Variants in LATS1 observed in about 807,000 individuals in gnomAD.
LATS1 encodes the protein serine/threonine-protein kinase LATS1.
A neutral mutation model predicts 106.6 loss-of-function variants in LATS1; 25 were observed. That is an observed-to-expected ratio of 0.23 (90% CI 0.17 to 0.33). The LOEUF (loss-of-function observed/expected upper bound fraction) is 0.33, where lower values mean the gene tolerates loss of function less well. Ranked by LOEUF, LATS1 falls within the 10% of genes least tolerant of loss-of-function variation. The pLI is 1.00. For missense variants in LATS1, 1,040 were observed against 1,382.6 expected, an observed-to-expected ratio of 0.75 and a Z score of 3.93; for synonymous variants, 465 against 455.6, an observed-to-expected ratio of 1.02 and a Z score of -0.26.
chr6:149,683,912 C>G lies in LATS1; in HGVS notation c.1177G>C (p.Gly393Arg), dbSNP rs754081916. 1 of 1,613,714 alleles carries G rather than the reference C, an allele frequency of 6.2e-7. No individual in the cohort carries two copies. The highest frequency in any genetic ancestry group is 8.5e-7 in the Non-Finnish European group (1 of 1,179,830). The stretch of plus-strand genomic sequence containing the variant: ...GTATATGACGAAGGAGCAGCAGATC[C>G]CCCTGTTTGTAAAGCAGAAGGGCTT... ...GQSPSALQTG[G>R]SAAPSSYTNG... Residue 393 changes from glycine (G) to arginine (R), a missense_variant, in exon 4 of 8, where the codon GGA (glycine) becomes CGA (arginine). By Grantham distance (125) the Gly-to-Arg change is moderately radical. Coordinates refer to ENST00000543571, the MANE Select transcript of LATS1 (RefSeq NM_004690.4).
intron 1 of LATS1, among the ~76,000 whole-genome samples, chr6:149,711,864 TTA>T (rs1224700541): frequency 2.0e-5 from 3 of 152,146 alleles, no homozygotes; most frequent in Non-Finnish European, 4.4e-5. Flanking sequence ...TTATCTCCCA[TTA>T]TTCTCTTTTT....
chr6:149,697,724 G>A (rs1017013822), intron 2 of LATS1, among the ~76,000 whole-genome samples: 1 of 151,960 alleles, frequency 6.6e-6, no homozygotes, highest in Non-Finnish European at 1.5e-5. Flanking sequence ...AATATTGTGG[G>A]AATCATTTTT....
At chr6:149,706,584 C>T (rs182135489) in intron 1 of LATS1, among the ~76,000 whole-genome samples, 3 of 152,234 alleles carry the variant, frequency 2.0e-5, no homozygotes, top group African/African-American at 7.2e-5. Context: ...AAAAGGGATG[C>T]TGCAGATGTG....
At chr6:149,699,696 G>A (rs1253019659) in intron 2 of LATS1, among the ~76,000 whole-genome samples, 1 of 152,014 alleles carries the variant, frequency 6.6e-6, no homozygotes, top group Middle Eastern at 3.2e-3. Context: ...ATAATGAATA[G>A]AGCATTGACC....
intron 2 of LATS1, among the ~76,000 whole-genome samples, chr6:149,698,319 T>G: frequency 6.7e-6 from 1 of 149,498 alleles, no homozygotes; most frequent in African/African-American, 2.5e-5. Flanking sequence ...CCACAACTCA[T>G]TGCGACCCAA....
chr6:149,662,169 T>C lies in LATS1; in HGVS notation c.2953A>G (p.Ile985Val). 2 of 1,613,840 alleles carry C rather than the reference T, an allele frequency of 1.2e-6. No homozygotes were observed. Among genetic ancestry groups the C allele is most frequent in the Non-Finnish European group, 1.7e-6 (2 of 1,179,960 alleles). Residue 985 changes from isoleucine (I) to valine (V), a missense_variant, in exon 8 of 8, where the codon ATT becomes GTT. Physicochemically the swap from Ile to Val is conservative, Grantham distance 29. Around this residue, in one of 7 missense-constraint regions of LATS1, gnomAD observed 113 missense variants for 146.3 expected, o/e 0.77. Coordinates refer to ENST00000543571, the MANE Select transcript of LATS1 (RefSeq NM_004690.4). Reference sequence around the variant, plus strand: ...TCGGGTCCTCGGCAAAGTTTAATAATAAGATCAGAAGCTTCAGGACTGAGT... The same window carrying C: ...TCGGGTCCTCGGCAAAGTTTAATAACAAGATCAGAAGCTTCAGGACTGAGT... ...AKLSPEASDL[I>V]IKLCRGPEDR...
intron 3 of LATS1, among the ~76,000 whole-genome samples, chr6:149,688,401 C>T (rs1196682072): frequency 2.0e-5 from 3 of 151,916 alleles, no homozygotes; most frequent in South Asian, 2.1e-4. Context: ...CTCTGCCTCC[C>T]GGGTTTAAAT....
intron 4 of LATS1, 196 bp downstream of exon 4, chr6:149,682,883 G>C (rs1782132256): frequency 5.3e-6 from 3 of 568,966 alleles, no homozygotes; most frequent in Admixed American, 3.7e-5. Flanking sequence ...AGGAAATTCT[G>C]AATAAATATT....
At chr6:149,693,611 AAAACAAACAAAC>A (rs71554447) in intron 3 of LATS1, among the ~76,000 whole-genome samples, 58 of 150,898 alleles carry the variant, frequency 3.8e-4, no homozygotes, top group East Asian at 2.0e-3. Context: ...CTCCATCTCA[AAAACAAACAAAC>A]AAACAAACAA....
At chr6:149,687,318 T>C (rs1460967285) in intron 3 of LATS1, among the ~76,000 whole-genome samples, 5 of 152,322 alleles carry the variant, frequency 3.3e-5, no homozygotes, top group African/African-American at 1.2e-4. Flanking sequence ...CTTGAACTCC[T>C]GACCTCAGGT....
intron 1 of LATS1, 76 bp from the exon 2 acceptor site, chr6:149,702,342 T>G: frequency 2.2e-6 from 1 of 456,198 alleles, no homozygotes; most frequent in South Asian, 4.7e-5. Context: ...AAAAGTCCAT[T>G]GATATAGGGG....
At chr6:149,692,101 T>C (rs970230265) in intron 3 of LATS1, among the ~76,000 whole-genome samples, 15 of 152,208 alleles carry the variant, frequency 9.9e-5, no homozygotes, top group African/African-American at 1.7e-4. Context: ...TTCTCATCCA[T>C]TGCAGCCATC....
chr6:149,663,408 G>A (rs937706762), intron 7 of LATS1, among the ~76,000 whole-genome samples: 3 of 152,254 alleles, frequency 2.0e-5, no homozygotes, highest in Admixed American at 6.5e-5. Flanking sequence ...CAGGGAGGTC[G>A]AGGCTAGAGT....
intron 3 of LATS1, among the ~76,000 whole-genome samples, chr6:149,685,095 A>G (rs1256243047): frequency 6.6e-6 from 1 of 152,024 alleles, no homozygotes; most frequent in Non-Finnish European, 1.5e-5. Context: ...AAAATTAGCC[A>G]GGCGTGGTGG....
At chr6:149,665,462 C>G (rs1781089531) in intron 7 of LATS1, among the ~76,000 whole-genome samples, 1 of 152,188 alleles carries the variant, frequency 6.6e-6, no homozygotes, top group South Asian at 2.1e-4. Context: ...GTCCTGGATT[C>G]AGATGCAGTT....
chr6:149,676,213 T>C (rs538837664), intron 7 of LATS1, 47 bp downstream of exon 7: 2 of 1,259,196 alleles, frequency 1.6e-6, no homozygotes, highest in African/African-American at 1.5e-5. Flanking sequence ...AAGTCAATGA[T>C]GTAGCAACTT....
chr6:149,716,250 G>A (rs902652798), intron 1 of LATS1: 1 of 152,198 alleles, frequency 6.6e-6, no homozygotes, highest in Non-Finnish European at 1.5e-5. Flanking sequence ...AGCTACTTGA[G>A]AGGCTGTGGT....
intron 1 of LATS1, among the ~76,000 whole-genome samples, chr6:149,710,867 GA>G (rs1184588872): frequency 6.6e-6 from 1 of 152,192 alleles, no homozygotes; most frequent in Non-Finnish European, 1.5e-5. Flanking sequence ...ATGAGTTCAA[GA>G]AGGAAGTAGT....
intron 7 of LATS1, among the ~76,000 whole-genome samples, chr6:149,670,088 C>G (rs1781359597): frequency 7.0e-6 from 1 of 142,240 alleles, no homozygotes; most frequent in African/African-American, 2.6e-5. Context: ...AGGAGAATCG[C>G]TTGAACCTGG....
Sources: gnomAD v4.1 joint callset for allele counts (sites outside exome capture counted in the v4.1 genomes callset) on GRCh38, gnomAD v4.1.1 for gene constraint, gnomAD v4.1.1 regional missense constraint, MANE v1.5 for transcripts, NCBI Gene and HGNC (gene_info 2026-07-23, HGNC 2026-07-21) for gene names.